The following TRPM2 variants were observed in gnomAD, a reference collection of about 807,000 sequenced individuals.
TRPM2 encodes transient receptor potential cation channel subfamily M member 2.
Under a neutral mutation model 174.0 loss-of-function variants are expected in TRPM2, and 161 were observed. The ratio of observed to expected loss-of-function variants is 0.93; its 90% confidence interval spans 0.81 to 1.05. The LOEUF is 1.05. Ranked by LOEUF, TRPM2 falls within the 50% of genes least tolerant of loss-of-function variation. The pLI, the probability that TRPM2 is intolerant of heterozygous loss-of-function variation, is 0.00. For missense variants in TRPM2, 2,057 were observed against 2,038.0 expected, an observed-to-expected ratio of 1.01 and a Z score of -0.18; for synonymous variants, 954 against 861.3, an observed-to-expected ratio of 1.11 and a Z score of -1.88.
chr21:44,411,760 G>T (rs2050114211), intron 19 of TRPM2, among the ~76,000 whole-genome samples: 2 of 152,178 alleles, frequency 1.3e-5, no homozygotes, highest in African/African-American at 4.8e-5. Flanking sequence ...TCAGGTTGAA[G>T]AAGTTCCCTT....
rs778043187 is a variant in TRPM2 at position 44,425,684 on chromosome 21, G to T, written c.3652G>T (p.Ala1218Ser). 1 of 1,535,346 alleles carries T rather than the reference G, an allele frequency of 6.5e-7. No individual in the cohort carries two copies. The part of the protein sequence containing the change: ...DVPTLASQKA[A>S]EEPDAEPGGR... ...ACTGTCCCCAGCCTCCCAGAAGGCCGCGGAGGAGCCGGATGCTGAGCCGGG... is the reference window on the plus strand; with the variant it reads ...ACTGTCCCCAGCCTCCCAGAAGGCCTCGGAGGAGCCGGATGCTGAGCCGGG... Residue 1218 changes from alanine (A) to serine (S), a missense_variant, in exon 25 of 32, where the codon GCG (alanine) becomes TCG (serine). Physicochemically the swap from Ala to Ser is moderately conservative, Grantham distance 99 (BLOSUM62 1). Coordinates refer to ENST00000397928, the MANE Select transcript of TRPM2 (RefSeq NM_003307.4).
In TRPM2 at chr21:44,354,011, C is replaced by G; in HGVS notation, c.165+146C>G. On this transcript the variant is annotated intron_variant, in intron 1 of 31. Coordinates refer to ENST00000397928, the MANE Select transcript of TRPM2 (RefSeq NM_003307.4). This position sits in a 1 kb window ranked among gnomAD's most constrained non-coding sequence, Gnocchi z 4.3. ...CTGCCCAACCATACCTTTGGGAGAA[C>G]AGAACTGGGGAGGGTGATGCGTGTC... 1 of 966,714 alleles carries G rather than the reference C, an allele frequency of 1.0e-6. No individual in the cohort carries two copies. Among genetic ancestry groups the G allele is most frequent in the East Asian group, 3.1e-5 (1 of 32,644 alleles). 59.9% of individuals were successfully genotyped at this position (966,714 alleles called of 1,614,324 possible). A position where few individuals can be genotyped will look rare whatever the true frequency, so the allele number is the denominator to read the frequency against.
At chr21:44,405,102 G>T in intron 16 of TRPM2, 40 bp from the exon 17 acceptor site, 1 of 1,609,342 alleles carries the variant, frequency 6.2e-7, no homozygotes, top group South Asian at 1.1e-5. Flanking sequence ...TAGTAAGAGT[G>T]ACAACCTGTC....
Position 44,366,610 on chromosome 21 carries a change from A to G in TRPM2, c.424-144A>G, listed in dbSNP as rs2048368848. 5 of 1,061,674 alleles carry G rather than the reference A, an allele frequency of 4.7e-6. No individual in the cohort carries two copies. The Admixed American group carries it at 8.6e-5, about 18-fold the overall frequency. The allele number at this position is 1,061,674 out of a possible 1,614,324, so 65.8% of individuals were successfully genotyped here. A position where few individuals can be genotyped will look rare whatever the true frequency, so the allele number is the denominator to read the frequency against. The stretch of plus-strand genomic sequence containing the variant: ...CTCTCGTGATCTGTGCCCTGCCCAC[A>G]TGGGGACCCCTTTTCTGGGTCTGAG... On this transcript the variant is annotated intron_variant, in intron 3 of 31. Coordinates refer to ENST00000397928, the MANE Select transcript of TRPM2 (RefSeq NM_003307.4). The surrounding 1 kb of genome is among the most constrained non-coding windows in gnomAD (Gnocchi z 6.0).
chr21:44,413,227 CTTTTTTTTTTTTTT>C (rs958225632), intron 19 of TRPM2, among the ~76,000 whole-genome samples: 1 of 116,274 alleles, frequency 8.6e-6, no homozygotes, highest in Non-Finnish European at 1.8e-5. Context: ...CTTTTCAATT[CTTTTTTTTTTTTTT>C]TTTTTTTAAT....
chr21:44,350,976 G>T (rs2122996498), upstream of TRPM2, among the ~76,000 whole-genome samples: 6 of 152,196 alleles, frequency 3.9e-5, no homozygotes, highest in African/African-American at 1.4e-4. Flanking sequence ...CCGAAGCGCT[G>T]GCTTTCACGC....
chr21:44,391,738 C>T lies in TRPM2; in HGVS notation c.1794+113C>T. On this transcript the variant is annotated intron_variant, in intron 11 of 31. Transcript: ENST00000397928. The surrounding 1 kb of genome is among the most constrained non-coding windows in gnomAD (Gnocchi z 5.0). ...TTATTTTTATTAGAAAAGACACATG[C>T]TCTATCTTAGGCTGCTTGGGCTGCT... The T allele has an allele frequency of 9.5e-7, 1 of 1,051,970 alleles. No individual in the cohort carries two copies. Among genetic ancestry groups the T allele is most frequent in the Non-Finnish European group, 1.3e-6 (1 of 750,816 alleles). The allele number at this position is 1,051,970 out of a possible 1,614,324, so 65.2% of individuals were successfully genotyped here. A position where few individuals can be genotyped will look rare whatever the true frequency, so the allele number is the denominator to read the frequency against.
At chr21:44,437,023 G>T in intron 28 of TRPM2, 39 bp from the exon 29 acceptor site, 1 of 1,537,518 alleles carries the variant, frequency 6.5e-7, no homozygotes. Flanking sequence ...GGTGGAGGCC[G>T]CAGCGGGTCC....
At chr21:44,403,230 G>T (rs951463610) in intron 16 of TRPM2, among the ~76,000 whole-genome samples, 1 of 152,178 alleles carries the variant, frequency 6.6e-6, no homozygotes, top group African/African-American at 2.4e-5. Context: ...TCCAGGGAGG[G>T]CCCTGGTTGG....
At chr21:44,382,645 A>T (rs973936014) in intron 8 of TRPM2, 73 bp from the exon 9 acceptor site, 1 of 1,478,798 alleles carries the variant, frequency 6.8e-7, no homozygotes, top group African/African-American at 1.4e-5. Context: ...CCGGGGCCTC[A>T]ATTCTATGTG....
intron 11 of TRPM2, 91 bp from the exon 12 acceptor site, chr21:44,395,323 C>T (rs1340646889): frequency 8.7e-6 from 13 of 1,489,838 alleles, no homozygotes; most frequent in Admixed American, 4.4e-5. Context: ...AAGGTCGGGG[C>T]TGGGGTCAGG....
At position 44,438,101 on chromosome 21, in the gene TRPM2, G is replaced by A. The variant is rs748811624; in HGVS notation, c.4167+934G>A. Among the ~76,000 whole-genome samples the A allele has an allele frequency of 2.5e-4, 38 of 152,236 alleles. No homozygotes were observed. The highest frequency in any genetic ancestry group is 4.6e-4 in the Non-Finnish European group (31 of 68,042). ...GCCACAAGGGCCTCTGGGCAGGAAC[G>A]GGGACTCCGGAGCCCAGGCCCAGCT... On this transcript the variant is annotated intron_variant, in intron 29 of 31. Transcript: ENST00000397928. The surrounding 1 kb of genome is among the most constrained non-coding windows in gnomAD (Gnocchi z 5.9).
At chr21:44,397,688 T>C in intron 12 of TRPM2, 59 bp from the exon 13 acceptor site, 2 of 1,494,800 alleles carry the variant, frequency 1.3e-6, no homozygotes, top group Non-Finnish European at 1.8e-6. Context: ...GTGTGTTGGG[T>C]TCCTCAGGCT....
At chr21:44,404,867 CTG>C (rs1461805972) in intron 16 of TRPM2, among the ~76,000 whole-genome samples, 3 of 114,276 alleles carry the variant, frequency 2.6e-5, no homozygotes, top group South Asian at 6.2e-4. Flanking sequence ...GTGACAGTGA[CTG>C]TGATGATAGT....
Position 44,354,791 on chromosome 21 carries a change from T to G in TRPM2, c.254+55T>G, listed in dbSNP as rs2048008558. The G allele has an allele frequency of 1.3e-6, 2 of 1,540,986 alleles. No homozygotes were observed. Among genetic ancestry groups the G allele is most frequent in the African/African-American group, 1.4e-5 (1 of 73,430 alleles). ...CTGACTTCTTCCTTCCGATCCCACA[T>G]GGAGTAGCTGATCAGGCCAAGACCC... On this transcript the variant is annotated intron_variant, in intron 2 of 31. Coordinates refer to ENST00000397928, the MANE Select transcript of TRPM2 (RefSeq NM_003307.4). This position sits in a 1 kb window ranked among gnomAD's most constrained non-coding sequence, Gnocchi z 4.3.
At position 44,422,289 on chromosome 21, in the gene TRPM2, G is replaced by A. The variant is rs1331656333; in HGVS notation, c.3462-1356G>A. On this transcript the variant is annotated intron_variant, in intron 22 of 31. Transcript: ENST00000397928. ...CCACAGGGCAGGGCTGGAGCTTTGG[G>A]GGTCAAGGACAAGCTCTGTCTGCAA... is the stretch of plus-strand genomic sequence containing the variant. 3.3e-6 allele frequency: 5 copies of A among 1,536,104 alleles called. No individual in the cohort carries two copies. In the South Asian group the frequency reaches 4.8e-5, roughly 15 times the overall value.
In TRPM2 at chr21:44,399,370, G is replaced by A; in HGVS notation, c.2137G>A (p.Gly713Arg). The change falls in exon 14 of 32, where the codon GGG becomes AGG. Residue 713 changes from glycine (G) to arginine (R), a missense_variant. Gly to Arg is a moderately radical substitution (Grantham distance 125, BLOSUM62 -2). Transcript: ENST00000397928. The surrounding 1 kb of genome is among the most constrained non-coding windows in gnomAD (Gnocchi z 4.6). ...GCTCACCCGCGTGTCCGAGGCCTGG[G>A]GGAAGACCACCTGCCTGCAGCTCGC... ...KLLTRVSEAW[G>R]KTTCLQLALE... The A allele has an allele frequency of 1.9e-6, 3 of 1,612,858 alleles. No individual in the cohort carries two copies. The South Asian group carries it at 3.3e-5, about 18-fold the overall frequency.
Position 44,442,016 on chromosome 21 carries a change from G to C in TRPM2, c.*199G>C. The C allele has an allele frequency of 1.3e-6, 1 of 784,230 alleles. No homozygotes were observed. Among genetic ancestry groups the C allele is most frequent in the Non-Finnish European group, 1.8e-6 (1 of 553,020 alleles). The allele number at this position is 784,230 out of a possible 1,614,324, so 48.6% of individuals were successfully genotyped here. On this transcript the variant is annotated 3_prime_UTR_variant, in exon 32 of 32. Transcript: ENST00000397928. ...AACTGGAAGGGGTCAAGGTGACCCGGGAGGAGAGCTCAAGACAGGGCACAG... is the reference window on the plus strand; with the variant it reads ...AACTGGAAGGGGTCAAGGTGACCCGCGAGGAGAGCTCAAGACAGGGCACAG...
rs113044845 is a variant in TRPM2 at position 44,437,178 on chromosome 21, C to T, written c.4167+11C>T. 49 of 1,549,194 alleles carry T rather than the reference C, an allele frequency of 3.2e-5. 1 individual carries two copies. The highest frequency in any genetic ancestry group is 2.1e-4 in the South Asian group (18 of 83,992). On this transcript the variant is annotated intron_variant, in intron 29 of 31. Transcript: ENST00000397928. Reference sequence around the variant, plus strand: ...TGGGCCCTGCCTGGGGTAAGGCTGCCGCGTGTGGGACCTCTGTCCACTGGG... The same window carrying T: ...TGGGCCCTGCCTGGGGTAAGGCTGCTGCGTGTGGGACCTCTGTCCACTGGG...
Sources: gnomAD v4.1 joint callset for allele counts (sites outside exome capture counted in the v4.1 genomes callset) on GRCh38, gnomAD v4.1.1 for gene constraint, Gnocchi (gnomAD v3.1) non-coding constraint, MANE v1.5 for transcripts, NCBI Gene and HGNC (gene_info 2026-07-23, HGNC 2026-07-21) for gene names.